ST3GAL3: variants seen among roughly 807,000 people sequenced by gnomAD.
The protein encoded by ST3GAL3 is CMP-N-acetylneuraminate-beta-1,4-galactoside alpha-2,3-sialyltransferase.
A neutral mutation model predicts 50.1 loss-of-function variants in ST3GAL3; 21 were observed. The ratio of observed to expected loss-of-function variants is 0.42; its 90% confidence interval spans 0.30 to 0.60. The LOEUF (loss-of-function observed/expected upper bound fraction) is 0.60. Among genes scored for constraint, ST3GAL3 ranks in the 20% least tolerant of loss-of-function variants. The probability of loss-of-function intolerance (pLI) is 0.19; values close to 1 mark genes in which losing one functional copy is unlikely to be tolerated. For missense variants in ST3GAL3, 353 were observed against 489.4 expected, an observed-to-expected ratio of 0.72 and a Z score of 2.63; for synonymous variants, 183 against 190.0, an observed-to-expected ratio of 0.96 and a Z score of 0.30.
chr1:43,854,545 C>T (rs950788147), intron 5 of ST3GAL3, among the ~76,000 whole-genome samples: 2 of 152,140 alleles, frequency 1.3e-5, no homozygotes, highest in East Asian at 1.9e-4. Flanking sequence ...TGCCTGGTTT[C>T]GGTTATAGCT....
At chr1:43,921,387 A>T in intron 11 of ST3GAL3, 1 of 430,010 alleles carries the variant, frequency 2.3e-6, no homozygotes, top group Non-Finnish European at 4.1e-6. Context: ...TATGTAGGGT[A>T]CATTACAGGT....
At chr1:43,731,156 A>G (rs988783992) in intron 1 of ST3GAL3, among the ~76,000 whole-genome samples, 11 of 151,466 alleles carry the variant, frequency 7.3e-5, no homozygotes, top group South Asian at 4.2e-4. Context: ...TAGCCTCCCA[A>G]TTGGTTGGGG....
intron 1 of ST3GAL3, among the ~76,000 whole-genome samples, chr1:43,713,183 CTG>C (rs1225875432): frequency 2.6e-5 from 4 of 152,202 alleles, no homozygotes; most frequent in African/African-American, 9.7e-5. Flanking sequence ...AGCGGCATGT[CTG>C]TGTGCTTCCT....
At chr1:43,793,837 C>T (rs536449555) in intron 3 of ST3GAL3, among the ~76,000 whole-genome samples, 4 of 152,234 alleles carry the variant, frequency 2.6e-5, no homozygotes, top group South Asian at 2.1e-4. Context: ...AATCTCAGCA[C>T]TTTGGGAGGC....
At chr1:43,928,081 A>C (rs2084334467) in intron 11 of ST3GAL3, among the ~76,000 whole-genome samples, 1 of 152,256 alleles carries the variant, frequency 6.6e-6, no homozygotes, top group Admixed American at 6.5e-5. Context: ...AAGATTTGGA[A>C]GGTGGAGAAG....
At chr1:43,794,672 A>G (rs1163185055) in intron 3 of ST3GAL3, among the ~76,000 whole-genome samples, 1 of 152,208 alleles carries the variant, frequency 6.6e-6, no homozygotes, top group Non-Finnish European at 1.5e-5. Context: ...ACCAAAAACA[A>G]TCCAAATACC....
At chr1:43,739,590 G>C (rs1316570568) in intron 2 of ST3GAL3, among the ~76,000 whole-genome samples, 2 of 152,086 alleles carry the variant, frequency 1.3e-5, no homozygotes, top group Non-Finnish European at 2.9e-5. Flanking sequence ...GTACTGTTCT[G>C]GGTAAACTGG....
chr1:43,798,091 C>A (rs2058890222), intron 3 of ST3GAL3, among the ~76,000 whole-genome samples: 1 of 152,140 alleles, frequency 6.6e-6, no homozygotes, highest in South Asian at 2.1e-4. Flanking sequence ...CCCCATCTAC[C>A]CAACTGAAAG....
intron 5 of ST3GAL3, among the ~76,000 whole-genome samples, chr1:43,868,194 C>T (rs971670852): frequency 6.6e-6 from 1 of 152,206 alleles, no homozygotes; most frequent in Non-Finnish European, 1.5e-5. Flanking sequence ...AAATGTCAGA[C>T]TGTATTTACT....
At chr1:43,755,939 T>C (rs908525343) in intron 2 of ST3GAL3, among the ~76,000 whole-genome samples, 1 of 151,002 alleles carries the variant, frequency 6.6e-6, no homozygotes, top group Admixed American at 6.6e-5. Flanking sequence ...CTACAAAAAC[T>C]GAAAATAAAA....
At chr1:43,810,628 A>T (rs2060449603) in intron 3 of ST3GAL3, among the ~76,000 whole-genome samples, 1 of 152,156 alleles carries the variant, frequency 6.6e-6, no homozygotes, top group Admixed American at 6.5e-5. Context: ...TGTGTATCAC[A>T]TGGGAGTCAT....
At chr1:43,810,351 G>A (rs961498118) in intron 3 of ST3GAL3, among the ~76,000 whole-genome samples, 1 of 152,084 alleles carries the variant, frequency 6.6e-6, no homozygotes, top group African/African-American at 2.4e-5. Flanking sequence ...GAAAAGCCTC[G>A]TAGGGTCTGC....
rs552971765 is a variant in ST3GAL3 at position 43,760,613 on chromosome 1, G to A, written c.118+24233G>A. 1.6e-3 allele frequency among the ~76,000 whole-genome samples: 237 copies of A among 152,124 alleles called. 1 individual carries two copies. Among genetic ancestry groups the A allele is most frequent in the Non-Finnish European group, 3.1e-3 (209 of 68,026 alleles). On this transcript the variant is annotated intron_variant, in intron 2 of 11. Transcript: ENST00000347631. ...TACTAAAAAATACAAAAAATTAGCC[G>A]GGCGTGGTGGTAGGCACCTGTAGTC...
intron 11 of ST3GAL3, among the ~76,000 whole-genome samples, chr1:43,922,808 A>G (rs183603479): frequency 0.012 from 1,617 of 140,250 alleles, 38 homozygotes; most frequent in African/African-American, 0.041. Context: ...AAAAAAGAAA[A>G]AAAAAAAAAA....
At chr1:43,707,782 G>T (rs1662092110) in intron 1 of ST3GAL3, 89 bp downstream of exon 1, 1 of 152,048 alleles carries the variant, frequency 6.6e-6, no homozygotes, top group African/African-American at 2.4e-5. Context: ...CGCCGGCCGC[G>T]GGTCCCGGGC....
At chr1:43,728,589 T>C (rs1163003196) in intron 1 of ST3GAL3, among the ~76,000 whole-genome samples, 2 of 152,086 alleles carry the variant, frequency 1.3e-5, no homozygotes, top group East Asian at 3.9e-4. Context: ...CACAAAAAGT[T>C]AAAAAAATTT....
At chr1:43,812,538 T>C (rs2060684282) in intron 3 of ST3GAL3, among the ~76,000 whole-genome samples, 1 of 152,266 alleles carries the variant, frequency 6.6e-6, no homozygotes, top group African/African-American at 2.4e-5. Context: ...CACAGCTCAC[T>C]GCAGCCTCGA....
chr1:43,929,962 T>C, intron 11 of ST3GAL3, 170 bp from the exon 12 acceptor site: 2 of 761,172 alleles, frequency 2.6e-6, no homozygotes, highest in South Asian at 2.7e-5. Context: ...GTGGCACTCC[T>C]AGAGCAGGGT....
Position 43,899,463 on chromosome 1 carries a change from T to G in ST3GAL3, c.558-78T>G. 1 of 1,597,386 alleles carries G rather than the reference T, an allele frequency of 6.3e-7. No individual in the cohort carries two copies. The highest frequency in any genetic ancestry group is 8.5e-7 in the Non-Finnish European group (1 of 1,173,562). On this transcript the variant is annotated intron_variant, in intron 8 of 11. Coordinates refer to ENST00000347631, the MANE Select transcript of ST3GAL3 (RefSeq NM_006279.5). The surrounding 1 kb of genome is among the most constrained non-coding windows in gnomAD (Gnocchi z 5.4). ...TCCAGGTGACCTGGACTCCCTATTCTCCATGCCTGGGATAGTCTGGGGTCA... is the reference window on the plus strand; with the variant it reads ...TCCAGGTGACCTGGACTCCCTATTCGCCATGCCTGGGATAGTCTGGGGTCA...
Sources: allele counts gnomAD v4.1 joint callset (sites outside exome capture counted in the v4.1 genomes callset), GRCh38; gene constraint gnomAD v4.1.1; non-coding constraint Gnocchi (gnomAD v3.1); transcripts MANE v1.5; gene names NCBI Gene and HGNC (gene_info 2026-07-23, HGNC 2026-07-21).